The following ARID2 variants were observed in gnomAD, a reference collection of about 807,000 sequenced individuals.
ARID2 encodes the protein AT-rich interactive domain-containing protein 2.
ARID2 carries 32 observed loss-of-function variants against 184.6 expected under a neutral mutation model. The observed-to-expected ratio is 0.17, with a 90% CI of 0.13 to 0.23. The LOEUF (loss-of-function observed/expected upper bound fraction) is 0.23, where lower values mean the gene tolerates loss of function less well. Ranked by LOEUF, ARID2 falls within the 10% of genes least tolerant of loss-of-function variation. The pLI is 1.00. For missense variants in ARID2, 1,696 were observed against 2,197.6 expected (o/e 0.77, Z 4.56); for synonymous variants, 836 against 772.6 (o/e 1.08, Z -1.36).
intron 3 of ARID2, among the ~76,000 whole-genome samples, chr12:45,741,536 A>T (rs1320812969): frequency 1.3e-5 from 2 of 152,104 alleles, no homozygotes; most frequent in Admixed American, 6.6e-5. Flanking sequence ...ACATATTTTC[A>T]TTCTTATTTA....
At chr12:45,742,996 A>G (rs1941291276) in intron 3 of ARID2, among the ~76,000 whole-genome samples, 1 of 152,170 alleles carries the variant, frequency 6.6e-6, no homozygotes, top group Non-Finnish European at 1.5e-5. Flanking sequence ...TAGGGGATTA[A>G]GAAATGGTAT....
chr12:45,872,846 T>C (rs916848914), intron 16 of ARID2, among the ~76,000 whole-genome samples: 1 of 152,220 alleles, frequency 6.6e-6, no homozygotes, highest in Non-Finnish European at 1.5e-5. Context: ...GAAGAATATA[T>C]TGTTGGATGA....
At chr12:45,815,395 A>G (rs991562753) in intron 4 of ARID2, among the ~76,000 whole-genome samples, 5 of 152,192 alleles carry the variant, frequency 3.3e-5, no homozygotes, top group African/African-American at 1.2e-4. Context: ...AGCTTTAAAT[A>G]TTGTAAACAA....
At chr12:45,797,739 G>T (rs1287264949) in intron 3 of ARID2, among the ~76,000 whole-genome samples, 1 of 151,222 alleles carries the variant, frequency 6.6e-6, no homozygotes, top group Non-Finnish European at 1.5e-5. Context: ...TTTTTGTTTT[G>T]CACTAATGAT....
At chr12:45,734,362 C>T (rs1198054635) in intron 3 of ARID2, among the ~76,000 whole-genome samples, 1 of 151,902 alleles carries the variant, frequency 6.6e-6, no homozygotes, top group African/African-American at 2.4e-5. Flanking sequence ...GAGTGAGACT[C>T]TTTCTCAAAA....
intron 3 of ARID2, among the ~76,000 whole-genome samples, chr12:45,749,127 A>G (rs569926382): frequency 1.3e-5 from 2 of 152,230 alleles, no homozygotes; most frequent in Non-Finnish European, 2.9e-5. Flanking sequence ...TGTGGCAGCT[A>G]TAACTGTACA....
At chr12:45,777,037 C>T (rs1258666818) in intron 3 of ARID2, among the ~76,000 whole-genome samples, 4 of 151,714 alleles carry the variant, frequency 2.6e-5, no homozygotes, top group African/African-American at 9.7e-5. Context: ...AGTGATCCAC[C>T]TGCCTCGGCT....
chr12:45,806,554 A>T lies in ARID2; in HGVS notation c.285-4864A>T, dbSNP rs550784112. 2.6e-5 allele frequency among the ~76,000 whole-genome samples: 4 copies of T among 152,144 alleles called. No individual in the cohort carries two copies. The South Asian group carries it at 8.3e-4, about 32-fold the overall frequency. The stretch of plus-strand genomic sequence containing the variant: ...TTTTTGTCCACCACTTATTTCCATT[A>T]GTTTATTTCCTTTCCATATAGAACA... On this transcript the variant is annotated intron_variant, in intron 3 of 20. Transcript: ENST00000334344.
chr12:45,756,304 A>G (rs1044903999), intron 3 of ARID2, among the ~76,000 whole-genome samples: 2 of 152,170 alleles, frequency 1.3e-5, no homozygotes, highest in Non-Finnish European at 2.9e-5. Context: ...GATACTTGGG[A>G]GTGGGGAGAA....
intron 3 of ARID2, among the ~76,000 whole-genome samples, chr12:45,737,240 A>T (rs1159552345): frequency 6.6e-6 from 1 of 152,156 alleles, no homozygotes; most frequent in Admixed American, 6.5e-5. Flanking sequence ...TTCCATGAAT[A>T]TCTAAGTCAG....
chr12:45,805,415 T>G (rs997524848), intron 3 of ARID2, among the ~76,000 whole-genome samples: 3 of 152,062 alleles, frequency 2.0e-5, no homozygotes, highest in Non-Finnish European at 4.4e-5. Flanking sequence ...TGTGGAAAAG[T>G]TCTTGAAAAT....
At position 45,852,755 on chromosome 12, in the gene ARID2, C is replaced by T. The variant is rs1013277290; in HGVS notation, c.4632C>T (p.Pro1544=). Residue 1544 remains proline (P), a synonymous_variant, in exon 15 of 21, where the codon CCC becomes CCT. Transcript: ENST00000334344. ...TTAGAATTGTTACAATCAGTGACCCCAACAATGCTGGCTGCAGCGCAACAA... is the reference window on the plus strand; with the variant it reads ...TTAGAATTGTTACAATCAGTGACCCTAACAATGCTGGCTGCAGCGCAACAA... ...VGVRIVTISD[P]NNAGCSATMV... The T allele has an allele frequency of 2.5e-6, 4 of 1,614,114 alleles. No individual in the cohort carries two copies. The highest frequency in any genetic ancestry group is 4.5e-5 in the East Asian group (2 of 44,874).
chr12:45,882,316 A>G (rs1290133102), intron 16 of ARID2: 1 of 152,212 alleles, frequency 6.6e-6, no homozygotes, highest in Non-Finnish European at 1.5e-5. Context: ...CTACTTCACC[A>G]TGACCCAGAA....
intron 3 of ARID2, among the ~76,000 whole-genome samples, chr12:45,770,334 A>T (rs551423745): frequency 2.0e-5 from 3 of 152,276 alleles, no homozygotes; most frequent in Non-Finnish European, 2.9e-5. Context: ...TGTTGCTAGC[A>T]GTCATGCCTT....
chr12:45,851,761 C>T lies in ARID2; in HGVS notation c.3638C>T (p.Pro1213Leu), dbSNP rs2138173489. Residue 1213 changes from proline to leucine, a missense_variant, in exon 15 of 21, where the codon CCA becomes CTA. Pro to Leu is a moderately conservative substitution (Grantham distance 98, BLOSUM62 -3). This residue lies in a region of ARID2 where 428 missense variants were observed against 409.1 expected (regional missense o/e 1.05). Coordinates refer to ENST00000334344, the MANE Select transcript of ARID2 (RefSeq NM_152641.4). ...MSGTQTGVGL[P>L]VQTLPATQAS... is the part of the protein sequence containing the mutation. Reference sequence around the variant, plus strand: ...GGAACGCAGACAGGAGTTGGACTTCCAGTACAAACGCTTCCAGCCACTCAA... The same window carrying T: ...GGAACGCAGACAGGAGTTGGACTTCTAGTACAAACGCTTCCAGCCACTCAA... The T allele has an allele frequency of 6.2e-7, 1 of 1,614,114 alleles. No homozygotes were observed. Among genetic ancestry groups the T allele is most frequent in the Non-Finnish European group, 8.5e-7 (1 of 1,180,014 alleles).
At chr12:45,831,511 C>G (rs1393683168) in intron 6 of ARID2, among the ~76,000 whole-genome samples, 1 of 152,106 alleles carries the variant, frequency 6.6e-6, no homozygotes, top group Non-Finnish European at 1.5e-5. Context: ...AACATCATTT[C>G]TTTGTGCTAT....
At position 45,811,005 on chromosome 12, in the gene ARID2, T is replaced by G. The variant is rs61925808; in HGVS notation, c.285-413T>G. Among the ~76,000 whole-genome samples, 4 of 152,100 alleles carry G rather than the reference T, an allele frequency of 2.6e-5. No homozygotes were observed. The South Asian group carries it at 8.3e-4, about 32-fold the overall frequency. Reference sequence around the variant, plus strand: ...TGGGTGGGTCACGAGGTCAGGAAATTGAGACCATCCTAGCTAACACGGTGA... The same window carrying G: ...TGGGTGGGTCACGAGGTCAGGAAATGGAGACCATCCTAGCTAACACGGTGA... On this transcript the variant is annotated intron_variant, in intron 3 of 20. Coordinates refer to ENST00000334344, the MANE Select transcript of ARID2 (RefSeq NM_152641.4).
At chr12:45,783,158 C>A (rs1300775249) in intron 3 of ARID2, among the ~76,000 whole-genome samples, 1 of 151,172 alleles carries the variant, frequency 6.6e-6, no homozygotes, top group Non-Finnish European at 1.5e-5. Flanking sequence ...AAAAATGATT[C>A]TCATGATTGA....
intron 15 of ARID2, 73 bp downstream of exon 15, chr12:45,852,969 C>G (rs1267197982): frequency 1.4e-6 from 2 of 1,445,862 alleles, no homozygotes; most frequent in Admixed American, 2.8e-5. Context: ...GGGAAATGCA[C>G]TGTTTTCCAT....
Sources: allele counts gnomAD v4.1 joint callset (sites outside exome capture counted in the v4.1 genomes callset), GRCh38; gene constraint gnomAD v4.1.1; regional missense constraint gnomAD v4.1.1; transcripts MANE v1.5; gene names NCBI Gene and HGNC (gene_info 2026-07-23, HGNC 2026-07-21).